Variants in PHLPP1 observed in about 807,000 individuals in gnomAD.
PHLPP1 encodes PH domain and leucine rich repeat protein phosphatase 1.
PHLPP1 carries 42 observed loss-of-function variants against 117.2 expected under a neutral mutation model. The ratio of observed to expected loss-of-function variants is 0.36; its 90% CI spans 0.28 to 0.46. The LOEUF (loss-of-function observed/expected upper bound fraction) is 0.46, where lower values mean the gene tolerates loss of function less well. Ranked by LOEUF, PHLPP1 falls within the 20% of genes least tolerant of loss-of-function variation. The probability of loss-of-function intolerance (pLI) is 1.00; values close to 1 mark genes in which losing one functional copy is unlikely to be tolerated. For missense variants in PHLPP1, 2,084 were observed against 2,241.9 expected, an observed-to-expected ratio of 0.93 and a Z score of 1.42; for synonymous variants, 1,042 against 970.7, an observed-to-expected ratio of 1.07 and a Z score of -1.37.
chr18:62,810,617 T>A (rs1907497719), intron 1 of PHLPP1, among the ~76,000 whole-genome samples: 1 of 152,194 alleles, frequency 6.6e-6, no homozygotes, highest in South Asian at 2.1e-4. Context: ...TATATGTACG[T>A]GGTTTCTTTC....
At chr18:62,856,997 C>T (rs1332831605) in intron 3 of PHLPP1, among the ~76,000 whole-genome samples, 2 of 151,672 alleles carry the variant, frequency 1.3e-5, no homozygotes, top group African/African-American at 4.9e-5. Context: ...GTAAAGAAAG[C>T]TTAATAGGGG....
chr18:62,755,193 C>T (rs547196234), intron 1 of PHLPP1, among the ~76,000 whole-genome samples: 2 of 152,002 alleles, frequency 1.3e-5, no homozygotes, highest in South Asian at 4.2e-4. Context: ...CATTATAATC[C>T]TTTCATTCTG....
At chr18:62,919,296 A>G (rs1185291397) in intron 9 of PHLPP1, among the ~76,000 whole-genome samples, 1 of 152,176 alleles carries the variant, frequency 6.6e-6, no homozygotes, top group Non-Finnish European at 1.5e-5. Context: ...TGACCTTTAC[A>G]AGAAACACAG....
chr18:62,882,423 C>T (rs975828548), intron 4 of PHLPP1, among the ~76,000 whole-genome samples: 4 of 152,094 alleles, frequency 2.6e-5, no homozygotes, highest in Admixed American at 6.5e-5. Flanking sequence ...CGCCCGCCAC[C>T]GCGCCTGGAT....
intron 1 of PHLPP1, among the ~76,000 whole-genome samples, chr18:62,720,543 C>A (rs1260308797): frequency 6.6e-6 from 1 of 151,972 alleles, no homozygotes; most frequent in Non-Finnish European, 1.5e-5. Context: ...ATGTGGTTTC[C>A]TACATGCAAA....
chr18:62,874,424 G>A (rs144527718), intron 4 of PHLPP1, among the ~76,000 whole-genome samples: 1 of 152,126 alleles, frequency 6.6e-6, no homozygotes, highest in African/African-American at 2.4e-5. Context: ...CATGAGAATC[G>A]CCTGACCCTG....
At position 62,978,208 on chromosome 18, in the gene PHLPP1, G is replaced by A; in HGVS notation, c.3985-54G>A. ...GAGGGACCCGCAGGGAACCTGCACA[G>A]TTGCCGCAGGTGCTCTGTATTAACT... On this transcript the variant is annotated intron_variant, in intron 16 of 16. Transcript: ENST00000262719. This position sits in a 1 kb window ranked among gnomAD's most constrained non-coding sequence, Gnocchi z 7.0. 9.3e-7 allele frequency: 1 copy of A among 1,078,358 alleles called. No individual in the cohort carries two copies. The highest frequency in any genetic ancestry group is 1.4e-6 in the Non-Finnish European group (1 of 731,664). The allele number at this position is 1,078,358 out of a possible 1,614,324, so 66.8% of individuals were successfully genotyped here.
At chr18:62,934,008 A>G (rs189871631) in intron 10 of PHLPP1, among the ~76,000 whole-genome samples, 2 of 152,340 alleles carry the variant, frequency 1.3e-5, no homozygotes, top group Non-Finnish European at 2.9e-5. Flanking sequence ...GAGAAATGCA[A>G]GTTACAGCCA....
At chr18:62,890,982 G>A (rs918646062) in intron 4 of PHLPP1, among the ~76,000 whole-genome samples, 2 of 152,118 alleles carry the variant, frequency 1.3e-5, no homozygotes, top group Non-Finnish European at 2.9e-5. Context: ...GTGATGCCTA[G>A]GATAAACATT....
At chr18:62,724,156 A>T (rs1968362859) in intron 1 of PHLPP1, among the ~76,000 whole-genome samples, 1 of 152,160 alleles carries the variant, frequency 6.6e-6, no homozygotes, top group South Asian at 2.1e-4. Flanking sequence ...TGTCATTCCT[A>T]CTCCTGAAGT....
intron 12 of PHLPP1, among the ~76,000 whole-genome samples, chr18:62,952,546 C>T (rs1238632806): frequency 1.3e-5 from 2 of 152,116 alleles, no homozygotes; most frequent in East Asian, 3.8e-4. Context: ...ATGCTTTATA[C>T]AAGATTAAAG....
At chr18:62,756,736 C>T (rs761805534) in intron 1 of PHLPP1, among the ~76,000 whole-genome samples, 3 of 152,160 alleles carry the variant, frequency 2.0e-5, no homozygotes, top group Non-Finnish European at 4.4e-5. Context: ...AGGTTTCCCA[C>T]GTATCAGTGG....
chr18:62,977,243 G>C (rs1055296551), intron 16 of PHLPP1, among the ~76,000 whole-genome samples: 1 of 152,050 alleles, frequency 6.6e-6, no homozygotes, highest in Non-Finnish European at 1.5e-5. Context: ...CCAAATAAAG[G>C]GAAGTGGTAG....
chr18:62,737,904 T>C (rs1167407691), intron 1 of PHLPP1, among the ~76,000 whole-genome samples: 3 of 151,932 alleles, frequency 2.0e-5, no homozygotes, highest in African/African-American at 7.3e-5. Context: ...TGATTATATG[T>C]GGAGGGGGGA....
chr18:62,766,076 A>AAAAAAAAAAAAAAAAAATATAT, intron 1 of PHLPP1, among the ~76,000 whole-genome samples: 1 of 21,648 alleles, frequency 4.6e-5, no homozygotes, highest in African/African-American at 1.5e-4. Context: ...AAAAAAAAAA[A>AAAAAAAAAAAAAAAAAATATAT]ATATATATAT....
intron 1 of PHLPP1, among the ~76,000 whole-genome samples, chr18:62,720,658 C>T (rs898380324): frequency 1.3e-5 from 2 of 152,048 alleles, no homozygotes; most frequent in South Asian, 4.1e-4. Context: ...ACGTGTGACA[C>T]CAGTGTGTGC....
chr18:62,897,824 T>C (rs1164137398), intron 6 of PHLPP1, among the ~76,000 whole-genome samples: 6 of 152,232 alleles, frequency 3.9e-5, no homozygotes. Context: ...GCCTTAATAC[T>C]TAAAATCAAA....
chr18:62,921,053 G>A (rs1299915041), intron 10 of PHLPP1, among the ~76,000 whole-genome samples: 1 of 152,186 alleles, frequency 6.6e-6, no homozygotes, highest in Non-Finnish European at 1.5e-5. Flanking sequence ...GTTGTGATAA[G>A]TTGCCACATA....
chr18:62,960,587 A>G (rs981629438), intron 13 of PHLPP1, among the ~76,000 whole-genome samples: 8 of 152,226 alleles, frequency 5.3e-5, no homozygotes, highest in Non-Finnish European at 1.0e-4. Flanking sequence ...CAAGGACATT[A>G]ACATTTAACA....
Sources: gnomAD v4.1 joint callset for allele counts (sites outside exome capture counted in the v4.1 genomes callset) on GRCh38, gnomAD v4.1.1 for gene constraint, Gnocchi (gnomAD v3.1) non-coding constraint, MANE v1.5 for transcripts, NCBI Gene and HGNC (gene_info 2026-07-23, HGNC 2026-07-21) for gene names.